CHRNB4: variants seen among roughly 807,000 people sequenced by gnomAD.
CHRNB4 encodes the protein neuronal acetylcholine receptor subunit beta-4.
A neutral mutation model predicts 40.4 loss-of-function variants in CHRNB4; 23 were observed. The ratio of observed to expected loss-of-function variants is 0.57; its 90% CI spans 0.41 to 0.81. CHRNB4 has a LOEUF of 0.81. Among genes scored for constraint, CHRNB4 ranks in the 30% least tolerant of loss-of-function variants. The pLI is 0.00. For missense variants in CHRNB4, 568 were observed against 670.6 expected, an observed-to-expected ratio of 0.85 and a Z score of 1.69; for synonymous variants, 285 against 274.4, an observed-to-expected ratio of 1.04 and a Z score of -0.38.
intron 2 of CHRNB4, among the ~76,000 whole-genome samples, chr15:78,657,599 G>C (rs1355538053): frequency 6.6e-6 from 1 of 152,006 alleles, no homozygotes; most frequent in Non-Finnish European, 1.5e-5. Flanking sequence ...TGTCACCCAG[G>C]CTGGAGTGCA....
At chr15:78,631,370 G>A (rs1225041466) in intron 2 of CHRNB4, 38 bp from the exon 3 acceptor site, 3 of 1,603,530 alleles carry the variant, frequency 1.9e-6, no homozygotes, top group Non-Finnish European at 1.7e-6. Flanking sequence ...CACCAGGAAG[G>A]AGGAGCCTCA....
upstream of CHRNB4, among the ~76,000 whole-genome samples, chr15:78,644,160 C>T (rs1216900763): frequency 4.1e-5 from 6 of 147,226 alleles, no homozygotes; most frequent in Non-Finnish European, 9.0e-5. Context: ...GAGACTCTGT[C>T]TCAAAAAAAA....
At chr15:78,661,381 G>C (rs182766669), upstream of CHRNB4, 74 of 529,376 alleles carry the variant, frequency 1.4e-4, no homozygotes, top group Admixed American at 3.7e-4. Context: ...CGGCCATTTT[G>C]TTTTCCCGGC....
upstream of CHRNB4, among the ~76,000 whole-genome samples, chr15:78,642,801 AG>A (rs1477679737): frequency 6.6e-6 from 1 of 152,252 alleles, no homozygotes; most frequent in African/African-American, 2.4e-5. Flanking sequence ...AACTAGAACA[AG>A]GATGTACAAG....
At chr15:78,637,214 C>T (rs1321942479) in intron 1 of CHRNB4, among the ~76,000 whole-genome samples, 1 of 152,206 alleles carries the variant, frequency 6.6e-6, no homozygotes, top group Non-Finnish European at 1.5e-5. Context: ...CCTCTGCATA[C>T]CCCCGATCCC....
chr15:78,659,653 G>C (rs1300838487), intron 1 of CHRNB4, among the ~76,000 whole-genome samples: 1 of 152,196 alleles, frequency 6.6e-6, no homozygotes, highest in Non-Finnish European at 1.5e-5. Context: ...GTCACAGAGG[G>C]ACAGTCTTGG....
At chr15:78,631,002 C>T in intron 4 of CHRNB4, 74 bp downstream of exon 4, 1 of 1,204,306 alleles carries the variant, frequency 8.3e-7, no homozygotes, top group Non-Finnish European at 1.2e-6. Flanking sequence ...GGACTCAGGC[C>T]TGGATGACTC....
Position 78,632,844 on chromosome 15 carries a change from G to A in CHRNB4, c.205-1512C>T, listed in dbSNP as rs368400564. 1.4e-4 allele frequency among the ~76,000 whole-genome samples: 22 copies of A among 151,876 alleles called. No homozygotes were observed. In the East Asian group the frequency reaches 4.1e-3, roughly 28 times the overall value. On this transcript the variant is annotated intron_variant, in intron 2 of 5. Transcript: ENST00000261751. ...GGACCATGTAAGACCCTCCTAACTG[G>A]CCTATGTTCATTCTGTACACCACCA...
upstream of CHRNB4, chr15:78,660,869 G>A (rs1472602633): frequency 5.6e-6 from 2 of 358,334 alleles, no homozygotes; most frequent in Non-Finnish European, 1.1e-5. Flanking sequence ...ATCCAGCTCA[G>A]GTGAGTCTTG....
intron 5 of CHRNB4, chr15:78,626,779 G>C (rs1418160267): frequency 1.3e-5 from 2 of 152,238 alleles, no homozygotes; most frequent in African/African-American, 4.8e-5. Context: ...TCAGCTCCCA[G>C]CAGAGCACCT....
chr15:78,649,743 A>G (rs2054156051), intron 6 of CHRNB4, among the ~76,000 whole-genome samples: 2 of 152,244 alleles, frequency 1.3e-5, no homozygotes, highest in Non-Finnish European at 2.9e-5. Context: ...TAAGTAGCAG[A>G]AGAATAAAAT....
intron 3 of CHRNB4, 25 bp from the exon 4 acceptor site, chr15:78,631,210 C>T: frequency 6.2e-7 from 1 of 1,613,282 alleles, no homozygotes. Flanking sequence ...AAGGCCCTGT[C>T]ACTTGCAGGT....
At chr15:78,640,723 T>TA (rs923427277) in intron 1 of CHRNB4, among the ~76,000 whole-genome samples, 1 of 151,744 alleles carries the variant, frequency 6.6e-6, no homozygotes, top group Non-Finnish European at 1.5e-5. Flanking sequence ...GGAGCGGGAG[T>TA]CGGTATACTC....
At chr15:78,656,982 A>C (rs1213027086) in intron 3 of CHRNB4, among the ~76,000 whole-genome samples, 2 of 151,928 alleles carry the variant, frequency 1.3e-5, no homozygotes, top group Non-Finnish European at 2.9e-5. Flanking sequence ...CCTTAAACTC[A>C]GCTTCTCTAG....
intron 6 of CHRNB4, among the ~76,000 whole-genome samples, chr15:78,651,684 T>C (rs1358429109): frequency 1.3e-5 from 2 of 152,184 alleles, no homozygotes; most frequent in Non-Finnish European, 2.9e-5. Context: ...ATAACTCACA[T>C]GGTTCTGTTT....
chr15:78,630,137 A>AC (rs1249978510), intron 4 of CHRNB4, among the ~76,000 whole-genome samples, 192 bp from the exon 5 acceptor site: 132 of 120,046 alleles, frequency 1.1e-3, no homozygotes, highest in African/African-American at 3.2e-3. Context: ...ACATCAAAGC[A>AC]CCCCCCTTTT....
chr15:78,624,996 G>A lies in CHRNB4; in HGVS notation c.*137C>T, dbSNP rs568663203. On this transcript the variant is annotated 3_prime_UTR_variant, in exon 6 of 6. Transcript: ENST00000261751. ...AGGCCCCCATCCTTGCCTGTTCCAC[G>A]GCTGTGGCTGGTTTGATGGGGTTGA... The A allele has an allele frequency of 7.6e-6, 12 of 1,589,320 alleles. No homozygotes were observed. In the East Asian group the frequency reaches 1.6e-4, roughly 21 times the overall value.
Position 78,625,030 on chromosome 15 carries a change from G to A in CHRNB4, c.*103C>T. The stretch of plus-strand genomic sequence containing the variant: ...TGGTTTGATGGGGTTGATGGCCAAT[G>A]CTCACATATTTACTTAGGGCCTCAT... On this transcript the variant is annotated 3_prime_UTR_variant, in exon 6 of 6. Transcript: ENST00000261751. 6.2e-7 allele frequency: 1 copy of A among 1,603,032 alleles called. No homozygotes were observed.
At chr15:78,631,438 C>A in intron 2 of CHRNB4, 106 bp from the exon 3 acceptor site, 2 of 1,030,836 alleles carry the variant, frequency 1.9e-6, no homozygotes, top group Non-Finnish European at 2.9e-6. Flanking sequence ...ACGTGACCAA[C>A]TGCCACCCCA....
Sources: gnomAD v4.1 joint callset for allele counts (sites outside exome capture counted in the v4.1 genomes callset) on GRCh38, gnomAD v4.1.1 for gene constraint, MANE v1.5 for transcripts, NCBI Gene and HGNC (gene_info 2026-07-23, HGNC 2026-07-21) for gene names.